The following EMP1 variants were observed in gnomAD, a reference collection of about 807,000 sequenced individuals.
EMP1 encodes tumor-associated membrane protein.
EMP1 carries 5 observed loss-of-function variants against 15.7 expected under a neutral mutation model. That is an observed-to-expected ratio of 0.32 (90% confidence interval 0.17 to 0.67). The LOEUF (loss-of-function observed/expected upper bound fraction) is 0.67, where lower values mean the gene tolerates loss of function less well. Ranked by LOEUF, EMP1 falls within the 30% of genes least tolerant of loss-of-function variation. The pLI is 0.74. For synonymous variants in EMP1, 78 were observed against 76.7 expected (o/e 1.02, Z -0.09); for missense variants, 166 against 194.2 (o/e 0.85, Z 0.86).
chr12:13,202,519 C>A (rs565247496), intron 1 of EMP1, among the ~76,000 whole-genome samples: 50 of 152,226 alleles, frequency 3.3e-4, no homozygotes, highest in African/African-American at 1.1e-3. Context: ...GCAGTGTGTT[C>A]ACATTGATCT....
intron 1 of EMP1, among the ~76,000 whole-genome samples, chr12:13,204,180 A>G (rs752514102): frequency 2.6e-5 from 4 of 152,132 alleles, no homozygotes; most frequent in African/African-American, 4.8e-5. Context: ...CACACCAAAC[A>G]TGAGCTATGC....
chr12:13,207,660 A>G (rs1025718548), intron 1 of EMP1, among the ~76,000 whole-genome samples: 1 of 152,116 alleles, frequency 6.6e-6, no homozygotes, highest in African/African-American at 2.4e-5. Context: ...GTCAACATAC[A>G]TGGGTCCTAT....
At chr12:13,210,230 G>A (rs1864152496) in intron 1 of EMP1, among the ~76,000 whole-genome samples, 1 of 152,238 alleles carries the variant, frequency 6.6e-6, no homozygotes, top group South Asian at 2.1e-4. Context: ...ATTAGGTGGA[G>A]TGAGAGAGGG....
At position 13,211,661 on chromosome 12, in the gene EMP1, G is replaced by T; in HGVS notation, c.78+73G>T. 1 of 1,562,792 alleles carries T rather than the reference G, an allele frequency of 6.4e-7. No homozygotes were observed. The highest frequency in any genetic ancestry group is 8.8e-7 in the Non-Finnish European group (1 of 1,136,722). ...TATTTACATCAAGTGCACAAAAGAAGTTTAAGCCACAGCCCTTGCCCTTCA... is the reference window on the plus strand; with the variant it reads ...TATTTACATCAAGTGCACAAAAGAATTTTAAGCCACAGCCCTTGCCCTTCA... On this transcript the variant is annotated intron_variant, in intron 2 of 4. Coordinates refer to ENST00000256951, the MANE Select transcript of EMP1 (RefSeq NM_001423.3). The surrounding 1 kb of genome is among the most constrained non-coding windows in gnomAD (Gnocchi z 4.7).
At chr12:13,200,137 C>CACAAAACACAA (rs1864051504) in intron 1 of EMP1, among the ~76,000 whole-genome samples, 3 of 152,172 alleles carry the variant, frequency 2.0e-5, no homozygotes, top group African/African-American at 7.2e-5. Context: ...ACATAGCTGC[C>CACAAAACACAA]TAACACAAAA....
At chr12:13,197,089 G>T (rs1479815130) in intron 1 of EMP1, among the ~76,000 whole-genome samples, 1 of 152,218 alleles carries the variant, frequency 6.6e-6, no homozygotes, top group African/African-American at 2.4e-5. Flanking sequence ...TTTTGAGGAC[G>T]GAGTCTGGGG....
At position 13,217,794 on chromosome 12, in the gene EMP1, T is replaced by TCA. The variant is rs1440265623; in HGVS notation, c.*3104_*3105insAC. 6.8e-6 allele frequency: 1 copy of TCA among 147,742 alleles called. No individual in the cohort carries two copies. The highest frequency in any genetic ancestry group is 1.5e-5 in the Non-Finnish European group (1 of 67,268). The allele number at this position is 147,742 out of a possible 1,614,324, so 9.2% of individuals were successfully genotyped here. A position where few individuals can be genotyped will look rare whatever the true frequency, so the allele number is the denominator to read the frequency against. ...TCCAGAGAAACAGAAAAAATAAGATTCGCGTGTGTGTGCAAACATATATAT... is the reference window on the plus strand; with the variant it reads ...TCCAGAGAAACAGAAAAAATAAGATTCACGCGTGTGTGTGCAAACATATATAT... On this transcript the variant is annotated 3_prime_UTR_variant, in exon 5 of 5. Transcript: ENST00000256951.
intron 1 of EMP1, among the ~76,000 whole-genome samples, chr12:13,210,102 A>G (rs1166445822): frequency 6.6e-6 from 1 of 152,222 alleles, no homozygotes; most frequent in Non-Finnish European, 1.5e-5. Context: ...GTTGCCTGAT[A>G]AAGACAGTGA....
At chr12:13,206,477 C>T (rs1056937493) in intron 1 of EMP1, among the ~76,000 whole-genome samples, 1 of 152,192 alleles carries the variant, frequency 6.6e-6, no homozygotes, top group Non-Finnish European at 1.5e-5. Context: ...TCCCCTCCCA[C>T]CCCTCAGCTA....
intron 1 of EMP1, chr12:13,209,569 G>A (rs544576564): frequency 1.2e-4 from 19 of 152,236 alleles, no homozygotes; most frequent in African/African-American, 3.9e-4. Context: ...CGCAGCTAAA[G>A]CAACCCCATT....
rs1025863786 is a variant in EMP1, at chr12:13,216,733, T to C, written c.*2042T>C. ...ATTGTAAATATTTTGATACAAATGT[T>C]TATAACTCTAGGGATATAAAAACAG... On this transcript the variant is annotated 3_prime_UTR_variant, in exon 5 of 5. Coordinates refer to ENST00000256951, the MANE Select transcript of EMP1 (RefSeq NM_001423.3). The C allele has an allele frequency of 1.1e-5, 4 of 354,252 alleles. No homozygotes were observed. In the East Asian group the frequency reaches 1.5e-4, roughly 13 times the overall value. The allele number at this position is 354,252 out of a possible 1,614,324, so 21.9% of individuals were successfully genotyped here.
Position 13,216,652 on chromosome 12 carries a change from G to T in EMP1, c.*1961G>T. 1.7e-6 allele frequency: 1 copy of T among 595,590 alleles called. No homozygotes were observed. The highest frequency in any genetic ancestry group is 1.9e-5 in the African/African-American group (1 of 53,688). The allele number at this position is 595,590 out of a possible 1,614,324, so 36.9% of individuals were successfully genotyped here. On this transcript the variant is annotated 3_prime_UTR_variant, in exon 5 of 5. Coordinates refer to ENST00000256951, the MANE Select transcript of EMP1 (RefSeq NM_001423.3). ...TCATGTAATTTGCATTACTCTGGTG[G>T]ATTGTTCTAGTACTGTATTGGGCTT... is the stretch of plus-strand genomic sequence containing the variant.
Position 13,211,668 on chromosome 12 carries a change from C to A in EMP1, c.78+80C>A. The A allele has an allele frequency of 6.6e-7, 1 of 1,516,716 alleles. No individual in the cohort carries two copies. Among genetic ancestry groups the A allele is most frequent in the Non-Finnish European group, 9.1e-7 (1 of 1,095,886 alleles). 94.0% of individuals were successfully genotyped at this position (1,516,716 alleles called of 1,614,324 possible). A position where few individuals can be genotyped will look rare whatever the true frequency, so the allele number is the denominator to read the frequency against. On this transcript the variant is annotated intron_variant, in intron 2 of 4. Coordinates refer to ENST00000256951, the MANE Select transcript of EMP1 (RefSeq NM_001423.3). This position sits in a 1 kb window ranked among gnomAD's most constrained non-coding sequence, Gnocchi z 4.7. ...ATCAAGTGCACAAAAGAAGTTTAAGCCACAGCCCTTGCCCTTCATGAACTT... is the reference window on the plus strand; with the variant it reads ...ATCAAGTGCACAAAAGAAGTTTAAGACACAGCCCTTGCCCTTCATGAACTT...
chr12:13,201,035 G>A (rs1864060887), intron 1 of EMP1, among the ~76,000 whole-genome samples: 1 of 152,202 alleles, frequency 6.6e-6, no homozygotes, highest in South Asian at 2.1e-4. Flanking sequence ...GTGTTATCTT[G>A]ACGCTGCCAT....
intron 3 of EMP1, 23 bp from the exon 4 acceptor site, chr12:13,213,658 T>C (rs1334314681): frequency 1.2e-6 from 2 of 1,613,854 alleles, no homozygotes; most frequent in East Asian, 4.5e-5. Flanking sequence ...CATGCCCTTG[T>C]TCTCCTCGTC....
Position 13,208,603 on chromosome 12 carries a change from A to G in EMP1, c.-42-2866A>G, listed in dbSNP as rs372810244. Among the ~76,000 whole-genome samples the G allele has an allele frequency of 2.6e-5, 4 of 152,354 alleles. No homozygotes were observed. The East Asian group carries it at 7.7e-4, about 29-fold the overall frequency. Reference sequence around the variant, plus strand: ...AAATAATGGGCCAGTGAAAAGATGGAGAAGTTGTAGCTTAAGCTAAACAGC... The same window carrying G: ...AAATAATGGGCCAGTGAAAAGATGGGGAAGTTGTAGCTTAAGCTAAACAGC... On this transcript the variant is annotated intron_variant, in intron 1 of 4. Coordinates refer to ENST00000256951, the MANE Select transcript of EMP1 (RefSeq NM_001423.3).
In EMP1 at chr12:13,209,177, A is replaced by G. The variant is rs1232929707; in HGVS notation, c.-42-2292A>G. On this transcript the variant is annotated intron_variant, in intron 1 of 4. Transcript: ENST00000256951. ...AGAAAGTCATTTGAAGAGCCCGAGG[A>G]GGATTAAACATAAGTATTCGTTATG... 2.6e-5 allele frequency: 4 copies of G among 152,262 alleles called. No homozygotes were observed. In the East Asian group the frequency reaches 7.7e-4, roughly 29 times the overall value. 9.4% of individuals were successfully genotyped at this position (152,262 alleles called of 1,614,324 possible).
Position 13,217,959 on chromosome 12 carries a change from A to C in EMP1, c.*3268A>C, listed in dbSNP as rs1002211520. On this transcript the variant is annotated 3_prime_UTR_variant, in exon 5 of 5. Transcript: ENST00000256951. ...TGAAAGTTGCCAGAGTCCCTTTTAT[A>C]GAGAAGCTTAAAAAATATTTGTTGA... is the stretch of plus-strand genomic sequence containing the variant. 4 of 152,198 alleles carry C rather than the reference A, an allele frequency of 2.6e-5. No individual in the cohort carries two copies. The highest frequency in any genetic ancestry group is 5.9e-5 in the Non-Finnish European group (4 of 68,032). The allele number at this position is 152,198 out of a possible 1,614,324, so 9.4% of individuals were successfully genotyped here. A position where few individuals can be genotyped will look rare whatever the true frequency, so the allele number is the denominator to read the frequency against.
chr12:13,206,290 C>T (rs116822839), intron 1 of EMP1, among the ~76,000 whole-genome samples: 1,726 of 152,278 alleles, frequency 0.011, 29 homozygotes, highest in African/African-American at 0.04. Context: ...GAAATGCCAG[C>T]CAGATCCATA....
Sources: gnomAD v4.1 joint callset for allele counts (sites outside exome capture counted in the v4.1 genomes callset) on GRCh38, gnomAD v4.1.1 for gene constraint, Gnocchi (gnomAD v3.1) non-coding constraint, MANE v1.5 for transcripts, NCBI Gene and HGNC (gene_info 2026-07-23, HGNC 2026-07-21) for gene names.